SLCO1A2: variants seen among roughly 807,000 people sequenced by gnomAD.
The protein encoded by SLCO1A2 is solute carrier organic anion transporter family member 1A2, also known as OATP-1.
Under a neutral mutation model 69.0 loss-of-function variants are expected in SLCO1A2, and 67 were observed. That is an observed-to-expected ratio of 0.97 (90% CI 0.80 to 1.19). The LOEUF (loss-of-function observed/expected upper bound fraction) is 1.19. Ranked by LOEUF, SLCO1A2 falls within the 50% of genes most tolerant of loss-of-function variation. The pLI, the probability that SLCO1A2 is intolerant of heterozygous loss-of-function variation, is 0.00. For missense variants in SLCO1A2, 787 were observed against 793.7 expected (o/e 0.99, Z 0.10); for synonymous variants, 260 against 265.9 (o/e 0.98, Z 0.22).
At chr12:21,365,763 G>C (rs2137066714) in intron 2 of SLCO1A2, among the ~76,000 whole-genome samples, 1 of 152,310 alleles carries the variant, frequency 6.6e-6, no homozygotes, top group African/African-American at 2.4e-5. Context: ...CTTCTCAAAA[G>C]AAGACATTTA....
chr12:21,381,973 T>C (rs1292628655), intron 1 of SLCO1A2, among the ~76,000 whole-genome samples: 2 of 152,176 alleles, frequency 1.3e-5, no homozygotes, highest in African/African-American at 2.4e-5. Flanking sequence ...AATCCCAGTA[T>C]TGAGTATCTA....
At chr12:21,294,389 T>A in intron 10 of SLCO1A2, 1 of 224,378 alleles carries the variant, frequency 4.5e-6, no homozygotes, top group Non-Finnish European at 8.7e-6. Context: ...TGTTTTCACA[T>A]ACTATTAGAT....
intron 1 of SLCO1A2, chr12:21,378,153 C>A: frequency 8.0e-7 from 1 of 1,247,712 alleles, no homozygotes; most frequent in South Asian, 1.3e-5. Context: ...TGGTTTTCAT[C>A]AATACAAGAT....
intron 2 of SLCO1A2, among the ~76,000 whole-genome samples, chr12:21,361,140 G>A (rs569328823): frequency 1.4e-5 from 2 of 147,690 alleles, no homozygotes; most frequent in East Asian, 2.0e-4. Context: ...CCTCCCAGTA[G>A]GGGCCGACAG....
intron 4 of SLCO1A2, among the ~76,000 whole-genome samples, chr12:21,310,280 A>C (rs556894778): frequency 6.6e-6 from 1 of 152,364 alleles, no homozygotes; most frequent in East Asian, 1.9e-4. Context: ...TTTCTAATGC[A>C]TATAAAAGTT....
chr12:21,301,545 G>A (rs11832851), intron 6 of SLCO1A2, among the ~76,000 whole-genome samples: 10,353 of 152,190 alleles, frequency 0.068, 1,132 homozygotes, highest in African/African-American at 0.23. Context: ...AGCACAGGCA[G>A]TCCCAGCTGG....
intron 8 of SLCO1A2, 115 bp downstream of exon 8, chr12:21,300,233 T>G: frequency 1.5e-6 from 1 of 658,412 alleles, no homozygotes; most frequent in South Asian, 2.6e-5. Context: ...CTGGTGACTG[T>G]TGATGACAAA....
At chr12:21,378,549 A>G (rs1419446788) in intron 1 of SLCO1A2, 1 of 779,450 alleles carries the variant, frequency 1.3e-6, no homozygotes, top group East Asian at 2.6e-5. Context: ...TTGCTAGGAC[A>G]TATACCTTCT....
chr12:21,311,972 AAGGAGGAGGAGGAGGAAG>A (rs1467762942), intron 4 of SLCO1A2, among the ~76,000 whole-genome samples: 6 of 150,790 alleles, frequency 4.0e-5, no homozygotes, highest in Admixed American at 3.3e-4. Flanking sequence ...GGAGAAGAAG[AAGGAGGAGGAGGAGGAAG>A]AGGAGGAGGA....
chr12:21,387,931 T>G (rs1187811902), intron 1 of SLCO1A2, among the ~76,000 whole-genome samples: 3 of 152,212 alleles, frequency 2.0e-5, no homozygotes, highest in African/African-American at 4.8e-5. Context: ...AGCCCACCTC[T>G]TGCATCAGCA....
In SLCO1A2 at chr12:21,294,044, T is replaced by G; in HGVS notation, c.1338A>C (p.Pro446=). Reference sequence around the variant, plus strand: ...CACACACAGGATCCCATATTTTAGATGGACAGTTGCAATCCACATTGCAAT... The same window carrying G: ...CACACACAGGATCCCATATTTTAGAGGGACAGTTGCAATCCACATTGCAAT... The part of the protein sequence containing the change: ...FADCNVDCNC[P]SKIWDPVCGN... Residue 446 remains proline, a synonymous_variant, in exon 11 of 15, where the codon CCA becomes CCC. Transcript: ENST00000683939. 1 of 1,611,494 alleles carries G rather than the reference T, an allele frequency of 6.2e-7. No homozygotes were observed. Among genetic ancestry groups the G allele is most frequent in the East Asian group, 2.2e-5 (1 of 44,600 alleles).
intron 1 of SLCO1A2, among the ~76,000 whole-genome samples, chr12:21,408,713 CGTGTGTGTGTGT>C (rs3060712): frequency 0.035 from 5,199 of 150,284 alleles, 138 homozygotes; most frequent in Non-Finnish European, 0.049. Context: ...TCAGCGCATG[CGTGTGTGTGTGT>C]GTGTGTGTGT....
At chr12:21,297,366 G>T in intron 9 of SLCO1A2, 38 bp downstream of exon 9, 1 of 1,561,850 alleles carries the variant, frequency 6.4e-7, no homozygotes, top group Non-Finnish European at 8.7e-7. Context: ...TTCGTGGGGG[G>T]GAAAGTGTGC....
At chr12:21,335,739 A>T (rs1952861297), upstream of SLCO1A2, among the ~76,000 whole-genome samples, 1 of 152,130 alleles carries the variant, frequency 6.6e-6, no homozygotes, top group African/African-American at 2.4e-5. Flanking sequence ...ACACACACAC[A>T]TCAAGGCATA....
chr12:21,384,140 C>A (rs1200816697), intron 1 of SLCO1A2, among the ~76,000 whole-genome samples: 2 of 151,606 alleles, frequency 1.3e-5, no homozygotes, highest in Non-Finnish European at 2.9e-5. Flanking sequence ...CTACACAAAC[C>A]AAAGAACAGT....
upstream of SLCO1A2, among the ~76,000 whole-genome samples, chr12:21,336,281 T>C (rs1016592084): frequency 2.0e-5 from 3 of 152,008 alleles, no homozygotes; most frequent in African/African-American, 7.2e-5. Flanking sequence ...CTATATTAAA[T>C]GTCTATTTTT....
intron 2 of SLCO1A2, among the ~76,000 whole-genome samples, chr12:21,362,446 T>A (rs113277473): frequency 1.3e-5 from 2 of 151,946 alleles, no homozygotes; most frequent in Non-Finnish European, 2.9e-5. Context: ...TGCAAAAACA[T>A]GCCAAATTGT....
chr12:21,285,369 G>C (rs1204383640), intron 12 of SLCO1A2, among the ~76,000 whole-genome samples: 1 of 150,644 alleles, frequency 6.6e-6, no homozygotes, highest in Admixed American at 6.6e-5. Flanking sequence ...ATAATCAATA[G>C]TTTACCAACA....
rs192047843 is a variant in SLCO1A2, at chr12:21,292,559, T to C, written c.1438-223A>G. Among the ~76,000 whole-genome samples, 16 of 152,226 alleles carry C rather than the reference T, an allele frequency of 1.1e-4. 1 individual carries two copies. The highest frequency in any genetic ancestry group is 3.9e-4 in the African/African-American group (16 of 41,550). On this transcript the variant is annotated intron_variant, in intron 11 of 14. Coordinates refer to ENST00000683939, the MANE Select transcript of SLCO1A2 (RefSeq NM_001386879.1). The stretch of plus-strand genomic sequence containing the variant: ...TGAATAGTAAATTTGTAATAACTAA[T>C]AAGTTACCCTAAAGACACACTTTTT...
Sources: allele counts gnomAD v4.1 joint callset (sites outside exome capture counted in the v4.1 genomes callset), GRCh38; gene constraint gnomAD v4.1.1; transcripts MANE v1.5; gene names NCBI Gene and HGNC (gene_info 2026-07-23, HGNC 2026-07-21).